The following HECW1 variants were observed in gnomAD, a reference collection of about 807,000 sequenced individuals.
HECW1 encodes E3 ubiquitin-protein ligase HECW1.
Under a neutral mutation model 182.3 loss-of-function variants are expected in HECW1, and 61 were observed. That is an observed-to-expected ratio of 0.33 (90% CI 0.27 to 0.41). The LOEUF (loss-of-function observed/expected upper bound fraction) is 0.41, where lower values mean the gene tolerates loss of function less well. Among genes scored for constraint, HECW1 ranks in the 10% least tolerant of loss-of-function variants. The pLI, the probability that HECW1 is intolerant of heterozygous loss-of-function variation, is 1.00. For missense variants in HECW1, 1,739 were observed against 2,108.9 expected (o/e 0.82, Z 3.44); for synonymous variants, 859 against 832.6 (o/e 1.03, Z -0.55).
At chr7:43,395,710 C>T (rs1584757984) in intron 6 of HECW1, among the ~76,000 whole-genome samples, 1 of 152,178 alleles carries the variant, frequency 6.6e-6, no homozygotes, top group East Asian at 1.9e-4. Context: ...AGCAGCCAAG[C>T]TCACAGGCTC....
chr7:43,361,820 T>C lies in HECW1; in HGVS notation c.555+840T>C, dbSNP rs1374497897. ...GGAAATAAAAAAGACTCTCTCTTTT[T>C]TTTTTTTTTTTTTTTTTTTTTACAT... is the stretch of plus-strand genomic sequence containing the variant. On this transcript the variant is annotated intron_variant, in intron 6 of 29. Transcript: ENST00000395891. Among the ~76,000 whole-genome samples, 12 of 146,220 alleles carry C rather than the reference T, an allele frequency of 8.2e-5. 1 individual carries two copies. Among genetic ancestry groups the C allele is most frequent in the African/African-American group, 2.0e-4 (8 of 39,924 alleles).
chr7:43,292,739 G>A (rs1805547698), intron 3 of HECW1, among the ~76,000 whole-genome samples: 1 of 152,150 alleles, frequency 6.6e-6, no homozygotes, highest in South Asian at 2.1e-4. Context: ...ATGCATGTGA[G>A]GCAAACTTTC....
intron 2 of HECW1, among the ~76,000 whole-genome samples, chr7:43,225,238 TA>T (rs1797321419): frequency 6.6e-6 from 1 of 152,138 alleles, no homozygotes; most frequent in South Asian, 2.1e-4. Flanking sequence ...ACCATCGAGT[TA>T]AAAACAAAGA....
At chr7:43,247,933 A>AAG (rs141906259) in intron 3 of HECW1, among the ~76,000 whole-genome samples, 2 of 120,654 alleles carry the variant, frequency 1.7e-5, no homozygotes, top group African/African-American at 8.2e-5. Context: ...AAGAGGAAAA[A>AAG]AGAGAGAGAA....
chr7:43,464,184 A>C (rs560705346), intron 14 of HECW1, among the ~76,000 whole-genome samples: 5 of 152,342 alleles, frequency 3.3e-5, no homozygotes, highest in Admixed American at 3.3e-4. Flanking sequence ...TTGTTAAGTA[A>C]ATTTATTGTA....
At chr7:43,222,329 G>C (rs562990830) in intron 2 of HECW1, among the ~76,000 whole-genome samples, 11 of 152,252 alleles carry the variant, frequency 7.2e-5, no homozygotes, top group Non-Finnish European at 7.4e-5. Context: ...ATAAAATCTG[G>C]TTCCATCTCT....
intron 2 of HECW1, among the ~76,000 whole-genome samples, chr7:43,146,284 G>C (rs536188743): frequency 1.3e-5 from 2 of 152,002 alleles, no homozygotes; most frequent in Non-Finnish European, 1.5e-5. Flanking sequence ...AGGATATTTG[G>C]CAGCATCTCT....
chr7:43,264,212 A>G (rs1801493262), intron 3 of HECW1, among the ~76,000 whole-genome samples: 7 of 152,164 alleles, frequency 4.6e-5, no homozygotes, highest in Non-Finnish European at 7.3e-5. Context: ...CGGAAACATT[A>G]TACCTTTTGA....
At chr7:43,369,515 G>C (rs1301614901) in intron 6 of HECW1, among the ~76,000 whole-genome samples, 1 of 152,138 alleles carries the variant, frequency 6.6e-6, no homozygotes, top group Non-Finnish European at 1.5e-5. Context: ...ACTGTTAAAA[G>C]TCTACCTTTG....
chr7:43,157,067 T>C (rs1481960831), intron 2 of HECW1, among the ~76,000 whole-genome samples: 1 of 152,226 alleles, frequency 6.6e-6, no homozygotes, highest in Non-Finnish European at 1.5e-5. Context: ...GTGCTAGGCA[T>C]AGTGGAAGTC....
chr7:43,146,200 G>A (rs1003791747), intron 2 of HECW1, among the ~76,000 whole-genome samples: 3 of 152,098 alleles, frequency 2.0e-5, no homozygotes, highest in Non-Finnish European at 2.9e-5. Flanking sequence ...TGGATTTAGG[G>A]TTTCTCCACC....
At chr7:43,346,917 A>G (rs954420194) in intron 5 of HECW1, among the ~76,000 whole-genome samples, 2 of 152,200 alleles carry the variant, frequency 1.3e-5, no homozygotes, top group African/African-American at 2.4e-5. Flanking sequence ...GCTTGAAATC[A>G]GGTAGTATGA....
chr7:43,467,477 T>G (rs2077827483), intron 15 of HECW1, among the ~76,000 whole-genome samples: 1 of 152,022 alleles, frequency 6.6e-6, no homozygotes, highest in South Asian at 2.1e-4. Context: ...GCAGATCACC[T>G]GGTAACTCAT....
At chr7:43,149,597 G>C (rs1341601258) in intron 2 of HECW1, among the ~76,000 whole-genome samples, 5 of 152,174 alleles carry the variant, frequency 3.3e-5, no homozygotes, top group African/African-American at 1.2e-4. Context: ...ACTTAATTTT[G>C]ACAAATGTAT....
chr7:43,280,314 C>T (rs2152747216), intron 3 of HECW1, among the ~76,000 whole-genome samples: 1 of 152,248 alleles, frequency 6.6e-6, no homozygotes, highest in South Asian at 2.1e-4. Flanking sequence ...CCACTGAACA[C>T]CTGTGACCTT....
At chr7:43,419,893 T>A (rs2076127272) in intron 8 of HECW1, among the ~76,000 whole-genome samples, 1 of 152,248 alleles carries the variant, frequency 6.6e-6, no homozygotes, top group Non-Finnish European at 1.5e-5. Context: ...ACTCTATTGC[T>A]GTGTCCAGTT....
chr7:43,116,486 T>C (rs1562757602), intron 2 of HECW1, among the ~76,000 whole-genome samples: 1 of 152,026 alleles, frequency 6.6e-6, no homozygotes, highest in East Asian at 1.9e-4. Flanking sequence ...ATTGAACCAC[T>C]GTAAGTGCTT....
At chr7:43,151,667 G>A (rs540687728) in intron 2 of HECW1, among the ~76,000 whole-genome samples, 7 of 152,038 alleles carry the variant, frequency 4.6e-5, no homozygotes, top group Non-Finnish European at 1.0e-4. Context: ...AATTGAATTA[G>A]GGATTTAGAA....
chr7:43,478,781 C>G (rs912064992), intron 16 of HECW1, among the ~76,000 whole-genome samples: 8 of 151,804 alleles, frequency 5.3e-5, no homozygotes, highest in African/African-American at 1.7e-4. Context: ...TATACACATT[C>G]TATAATAAAA....
Sources: allele counts gnomAD v4.1 joint callset (sites outside exome capture counted in the v4.1 genomes callset), GRCh38; gene constraint gnomAD v4.1.1; transcripts MANE v1.5; gene names NCBI Gene and HGNC (gene_info 2026-07-23, HGNC 2026-07-21).